NBEA: variants seen among roughly 807,000 people sequenced by gnomAD.
NBEA encodes lysosomal-trafficking regulator 2.
In NBEA, 44 loss-of-function variants were observed where a neutral mutation model predicts 343.4. That is an observed-to-expected ratio of 0.13 (90% CI 0.10 to 0.16). The LOEUF is 0.16. NBEA is among the 10% of genes least tolerant of loss of function. The probability of loss-of-function intolerance (pLI) is 1.00; values close to 1 mark genes in which losing one functional copy is unlikely to be tolerated. For synonymous variants in NBEA, 1,175 were observed against 1,238.7 expected (o/e 0.95, Z 1.08); for missense variants, 2,555 against 3,631.3 (o/e 0.70, Z 7.62).
At chr13:35,273,975 A>G (rs1287771779) in intron 34 of NBEA, among the ~76,000 whole-genome samples, 1 of 152,244 alleles carries the variant, frequency 6.6e-6, no homozygotes, top group East Asian at 1.9e-4. Context: ...AAACTATTCC[A>G]ATCAATAGAA....
intron 38 of NBEA, among the ~76,000 whole-genome samples, chr13:35,420,775 T>A (rs118152259): frequency 0.03 from 4,511 of 152,114 alleles, 107 homozygotes; most frequent in Non-Finnish European, 0.045. Flanking sequence ...GCTGCCAAAT[T>A]TATGTGTGTA....
chr13:35,425,645 T>C lies in NBEA; in HGVS notation c.6180-6624T>C, dbSNP rs566609599. Among the ~76,000 whole-genome samples the C allele has an allele frequency of 6.6e-5, 10 of 152,348 alleles. No individual in the cohort carries two copies. The East Asian group carries it at 1.7e-3, about 26-fold the overall frequency. On this transcript the variant is annotated intron_variant, in intron 38 of 58. Transcript: ENST00000379939. ...TCCGTTGATTTGGGGTGGACAGTTCTGTAGATGTCTATTAGGTCCTCTTGA... is the reference window on the plus strand; with the variant it reads ...TCCGTTGATTTGGGGTGGACAGTTCCGTAGATGTCTATTAGGTCCTCTTGA...
chr13:35,199,759 C>T (rs377171127), intron 31 of NBEA, among the ~76,000 whole-genome samples: 1 of 152,036 alleles, frequency 6.6e-6, no homozygotes, highest in East Asian at 1.9e-4. Flanking sequence ...AAAATTGCAA[C>T]ATCAAATTCT....
chr13:35,432,802 A>C (rs541931430), intron 39 of NBEA, among the ~76,000 whole-genome samples: 1 of 151,878 alleles, frequency 6.6e-6, no homozygotes, highest in Non-Finnish European at 1.5e-5. Flanking sequence ...GTACATACTT[A>C]TATATACTGC....
At chr13:35,041,613 G>T (rs1050691668) in intron 2 of NBEA, among the ~76,000 whole-genome samples, 2 of 151,872 alleles carry the variant, frequency 1.3e-5, no homozygotes, top group African/African-American at 2.4e-5. Context: ...TATAAGCATG[G>T]TGTATCTTTT....
chr13:35,126,250 C>G (rs1317028515), intron 17 of NBEA, among the ~76,000 whole-genome samples: 1 of 152,122 alleles, frequency 6.6e-6, no homozygotes, highest in Non-Finnish European at 1.5e-5. Flanking sequence ...GCCTACTTCT[C>G]CTTGCCTTCC....
intron 41 of NBEA, among the ~76,000 whole-genome samples, chr13:35,547,340 C>G (rs962908761): frequency 1.3e-5 from 2 of 152,128 alleles, no homozygotes; most frequent in African/African-American, 4.8e-5. Context: ...TCTCCTTGTC[C>G]TCTTTGCATT....
At chr13:35,642,709 T>C (rs1011044862) in intron 49 of NBEA, among the ~76,000 whole-genome samples, 1 of 152,126 alleles carries the variant, frequency 6.6e-6, no homozygotes, top group African/African-American at 2.4e-5. Flanking sequence ...TATTGCCTGA[T>C]CTGCGAAGTT....
chr13:35,236,921 T>G (rs1283956682), intron 34 of NBEA, among the ~76,000 whole-genome samples: 10 of 152,152 alleles, frequency 6.6e-5, no homozygotes. Flanking sequence ...AATATCTTAT[T>G]GTTTATATTG....
At chr13:35,150,109 G>A (rs2152703119) in intron 18 of NBEA, among the ~76,000 whole-genome samples, 1 of 152,302 alleles carries the variant, frequency 6.6e-6, no homozygotes, top group Non-Finnish European at 1.5e-5. Flanking sequence ...CTCCTGAAAT[G>A]ATGAAGGAAC....
At chr13:35,387,497 A>G (rs774054786) in intron 38 of NBEA, among the ~76,000 whole-genome samples, 3 of 152,138 alleles carry the variant, frequency 2.0e-5, no homozygotes, top group Admixed American at 6.5e-5. Flanking sequence ...TACCAAAAAC[A>G]ACGAAAACAA....
At chr13:35,309,699 T>C (rs1055525749) in intron 36 of NBEA, 107 bp downstream of exon 36, 6 of 604,018 alleles carry the variant, frequency 9.9e-6, no homozygotes, top group African/African-American at 7.8e-5. Flanking sequence ...AAATGTCTTT[T>C]AGTTAAATAA....
At chr13:35,208,632 G>T in intron 31 of NBEA, 68 bp from the exon 32 acceptor site, 1 of 1,370,222 alleles carries the variant, frequency 7.3e-7, no homozygotes. Context: ...ATGTATATCT[G>T]TTGCAGCAGG....
intron 49 of NBEA, among the ~76,000 whole-genome samples, chr13:35,641,579 G>A (rs950701428): frequency 2.6e-5 from 4 of 152,134 alleles, no homozygotes; most frequent in Non-Finnish European, 5.9e-5. Flanking sequence ...CAGGAAATAT[G>A]TAGTGTATAA....
chr13:35,045,425 ATTTTTATTTATTTAT>A (rs1221325830), intron 4 of NBEA, 24 bp downstream of exon 4: 1 of 1,511,810 alleles, frequency 6.6e-7, no homozygotes, highest in South Asian at 1.2e-5. Context: ...ACATGTGCTG[ATTTTTATTTATTTAT>A]TTTTAGGTCA....
At chr13:35,529,943 T>TG (rs2078173996) in intron 41 of NBEA, among the ~76,000 whole-genome samples, 1 of 152,234 alleles carries the variant, frequency 6.6e-6, no homozygotes, top group African/African-American at 2.4e-5. Context: ...GGATTGTTTT[T>TG]GAAGATAAGG....
intron 1 of NBEA, among the ~76,000 whole-genome samples, chr13:35,028,506 A>C (rs1365470293): frequency 6.6e-6 from 1 of 151,860 alleles, no homozygotes; most frequent in African/African-American, 2.4e-5. Context: ...CCTGTTACCT[A>C]GCTAAACTCA....
At chr13:35,518,552 G>C (rs2077572442) in intron 41 of NBEA, among the ~76,000 whole-genome samples, 1 of 152,154 alleles carries the variant, frequency 6.6e-6, no homozygotes, top group Admixed American at 6.6e-5. Flanking sequence ...TGTAACTCCT[G>C]TATTTGCCTC....
At chr13:35,388,397 A>G (rs2042349952) in intron 38 of NBEA, among the ~76,000 whole-genome samples, 1 of 152,156 alleles carries the variant, frequency 6.6e-6, no homozygotes, top group Non-Finnish European at 1.5e-5. Context: ...AGAGGCAAAT[A>G]AGATGCCTTT....
Sources: gnomAD v4.1 joint callset for allele counts (sites outside exome capture counted in the v4.1 genomes callset) on GRCh38, gnomAD v4.1.1 for gene constraint, MANE v1.5 for transcripts, NCBI Gene and HGNC (gene_info 2026-07-23, HGNC 2026-07-21) for gene names.